The following MBNL2 variants were observed in gnomAD, a reference collection of about 807,000 sequenced individuals.
MBNL2 encodes the protein muscleblind like splicing regulator 2.
Under a neutral mutation model 41.9 loss-of-function variants are expected in MBNL2, and 17 were observed. The ratio of observed to expected loss-of-function variants is 0.41; its 90% confidence interval spans 0.28 to 0.61. The LOEUF is 0.61. MBNL2 is among the 20% of genes least tolerant of loss of function. MBNL2 has a pLI of 0.35. For synonymous variants in MBNL2, 195 were observed against 182.9 expected (o/e 1.07, Z -0.53); for missense variants, 336 against 505.6 (o/e 0.66, Z 3.22).
chr13:97,156,714 G>T, the MBNL2 span, among the ~76,000 whole-genome samples: 15 of 144,698 alleles, frequency 1.0e-4, no homozygotes, highest in East Asian at 6.3e-4. Context: ...GTAGATATGC[G>T]GCGTTATTTC....
At chr13:97,335,991 A>G (rs188429966) in intron 3 of MBNL2, among the ~76,000 whole-genome samples, 1 of 152,358 alleles carries the variant, frequency 6.6e-6, no homozygotes, top group East Asian at 1.9e-4. Flanking sequence ...AAGTCAACAT[A>G]ATACCACCAC....
At chr13:97,287,840 G>A (rs1053731581) in intron 2 of MBNL2, among the ~76,000 whole-genome samples, 42 of 146,924 alleles carry the variant, frequency 2.9e-4, no homozygotes, top group Admixed American at 1.4e-3. Context: ...ATTCTCCTGC[G>A]TTCAAGCGAT....
chr13:97,284,597 C>A (rs1286128050), intron 2 of MBNL2, among the ~76,000 whole-genome samples: 2 of 152,130 alleles, frequency 1.3e-5, no homozygotes, highest in African/African-American at 4.8e-5. Context: ...GGGGTTAGGA[C>A]TTCAACATAT....
At chr13:97,363,418 C>CTGTGTGTGTGTGTGTGTG in intron 7 of MBNL2, among the ~76,000 whole-genome samples, 1 of 136,734 alleles carries the variant, frequency 7.3e-6, no homozygotes, top group South Asian at 2.5e-4. Flanking sequence ...GAAAGAAAAA[C>CTGTGTGTGTGTGTGTGTG]TGTGTGTGTG....
chr13:97,381,137 C>CA (rs397975559), intron 8 of MBNL2, among the ~76,000 whole-genome samples: 12 of 151,086 alleles, frequency 7.9e-5, no homozygotes, highest in Non-Finnish European at 1.5e-4. Flanking sequence ...CACACACACA[C>CA]CACACACAGG....
chr13:97,252,105 C>T (rs1396908983), intron 1 of MBNL2, among the ~76,000 whole-genome samples: 2 of 151,994 alleles, frequency 1.3e-5, no homozygotes, highest in African/African-American at 2.4e-5. Context: ...CCGCCTCGGC[C>T]TCCCAAAGTG....
At chr13:97,191,667 T>C in the MBNL2 span, among the ~76,000 whole-genome samples, 4 of 152,340 alleles carry the variant, frequency 2.6e-5, no homozygotes, top group African/African-American at 9.6e-5. Context: ...TTTTGTGGAC[T>C]AGCATGATTA....
the MBNL2 span, among the ~76,000 whole-genome samples, chr13:97,146,470 A>T: frequency 6.6e-6 from 1 of 152,208 alleles, no homozygotes; most frequent in Non-Finnish European, 1.5e-5. Flanking sequence ...ATGAAAAATG[A>T]GCACAGAAGG....
chr13:97,154,803 A>ATGGG, the MBNL2 span, among the ~76,000 whole-genome samples: 4 of 151,270 alleles, frequency 2.6e-5, no homozygotes, highest in Non-Finnish European at 5.9e-5. Context: ...GGATGGATGG[A>ATGGG]TGGATGGATG....
At chr13:97,166,878 C>G in the MBNL2 span, among the ~76,000 whole-genome samples, 1 of 141,514 alleles carries the variant, frequency 7.1e-6, no homozygotes, top group Admixed American at 7.1e-5. Flanking sequence ...AGTTCTGTCC[C>G]TCTAGAGAAC....
At chr13:97,193,457 A>G in the MBNL2 span, among the ~76,000 whole-genome samples, 1 of 152,206 alleles carries the variant, frequency 6.6e-6, no homozygotes, top group African/African-American at 2.4e-5. Flanking sequence ...GGGAGGATGT[A>G]TTATACAATG....
At chr13:97,196,772 C>T in the MBNL2 span, among the ~76,000 whole-genome samples, 1 of 152,166 alleles carries the variant, frequency 6.6e-6, no homozygotes, top group East Asian at 1.9e-4. Context: ...AACATTTCCA[C>T]AATTCTCATT....
rs770184414 is a variant in MBNL2 at position 97,346,772 on chromosome 13, C to T, written c.541-32C>T. On this transcript the variant is annotated intron_variant, in intron 4 of 8. Transcript: ENST00000679496. The surrounding 1 kb of genome is among the most constrained non-coding windows in gnomAD (Gnocchi z 4.2). ...CAGGGGCGCCTGGGCTCAGGCTTGC[C>T]TCTGCAGCGCGGCTCTTCTTCCCTG... The T allele has an allele frequency of 6.2e-7, 1 of 1,605,270 alleles. No homozygotes were observed. The highest frequency in any genetic ancestry group is 8.5e-7 in the Non-Finnish European group (1 of 1,174,716).
chr13:97,187,647 C>T, the MBNL2 span, among the ~76,000 whole-genome samples: 1 of 147,718 alleles, frequency 6.8e-6, no homozygotes, highest in Non-Finnish European at 1.5e-5. Flanking sequence ...GTGGCTCACG[C>T]CTGTAATCCC....
At chr13:97,380,687 T>C (rs1016805491) in intron 8 of MBNL2, among the ~76,000 whole-genome samples, 1 of 152,074 alleles carries the variant, frequency 6.6e-6, no homozygotes, top group East Asian at 1.9e-4. Context: ...TCTCAGAAAG[T>C]AAATGGTGAT....
At chr13:97,320,984 T>C (rs1289736212) in intron 2 of MBNL2, among the ~76,000 whole-genome samples, 1 of 152,124 alleles carries the variant, frequency 6.6e-6, no homozygotes, top group African/African-American at 2.4e-5. Context: ...CATGGATCTC[T>C]GTGACTAAAT....
intron 1 of MBNL2, among the ~76,000 whole-genome samples, chr13:97,257,078 T>C (rs754670400): frequency 2.0e-5 from 3 of 152,206 alleles, no homozygotes; most frequent in Non-Finnish European, 4.4e-5. Flanking sequence ...CTTTTGGTGA[T>C]TGGAATATGC....
upstream of MBNL2, among the ~76,000 whole-genome samples, chr13:97,219,173 G>T (rs1432450413): frequency 6.6e-6 from 1 of 152,170 alleles, no homozygotes; most frequent in Non-Finnish European, 1.5e-5. Flanking sequence ...ACCCCTGGGA[G>T]ATTTGCATGC....
intron 1 of MBNL2, among the ~76,000 whole-genome samples, chr13:97,271,592 C>T: frequency 6.6e-6 from 1 of 152,104 alleles, no homozygotes; most frequent in Admixed American, 6.6e-5. Context: ...CCCCGTAAAC[C>T]CCCAGCAGGC....
Sources: allele counts gnomAD v4.1 joint callset (sites outside exome capture counted in the v4.1 genomes callset), GRCh38; gene constraint gnomAD v4.1.1; non-coding constraint Gnocchi (gnomAD v3.1); transcripts MANE v1.5; gene names NCBI Gene and HGNC (gene_info 2026-07-23, HGNC 2026-07-21).